The following VTI1A variants were observed in gnomAD, a reference collection of about 807,000 sequenced individuals.
VTI1A encodes vesicle transport through interaction with t-SNAREs homolog 1A.
Under a neutral mutation model 34.9 loss-of-function variants are expected in VTI1A, and 22 were observed. That is an observed-to-expected ratio of 0.63 (90% CI 0.45 to 0.90). The LOEUF (loss-of-function observed/expected upper bound fraction) is 0.90. VTI1A is among the 40% of genes least tolerant of loss of function. VTI1A has a pLI of 0.00. For synonymous variants in VTI1A, 87 were observed against 97.3 expected, an observed-to-expected ratio of 0.89 and a Z score of 0.62; for missense variants, 268 against 275.6, an observed-to-expected ratio of 0.97 and a Z score of 0.20.
chr10:112,502,783 T>G (rs1357922783), intron 3 of VTI1A, among the ~76,000 whole-genome samples: 3 of 152,228 alleles, frequency 2.0e-5, no homozygotes, highest in Non-Finnish European at 4.4e-5. Flanking sequence ...AAGTGTAAAC[T>G]CTAACCCTAT....
chr10:112,576,365 T>A (rs1461158704), intron 5 of VTI1A, among the ~76,000 whole-genome samples: 2 of 152,364 alleles, frequency 1.3e-5, no homozygotes, highest in East Asian at 3.9e-4. Context: ...TCAAAATATT[T>A]GCTGTTTTAG....
chr10:112,470,455 T>G (rs1184527069), intron 3 of VTI1A, among the ~76,000 whole-genome samples: 5 of 152,098 alleles, frequency 3.3e-5, no homozygotes, highest in Non-Finnish European at 4.4e-5. Context: ...ATTTGGAGTG[T>G]GGGAACAGGT....
chr10:112,780,489 G>A (rs1328236556), intron 7 of VTI1A, among the ~76,000 whole-genome samples: 1 of 151,914 alleles, frequency 6.6e-6, no homozygotes, highest in East Asian at 1.9e-4. Context: ...GTAAAAATAA[G>A]CCCATTTTTC....
In VTI1A at chr10:112,726,446, C is replaced by A. The variant is rs149456620; in HGVS notation, c.560+57448C>A. Reference sequence around the variant, plus strand: ...ATTTAGTCTTGTTCTTAACCCAGAACAACCATGCTTTGAAACACCATGGAA... The same window carrying A: ...ATTTAGTCTTGTTCTTAACCCAGAAAAACCATGCTTTGAAACACCATGGAA... On this transcript the variant is annotated intron_variant, in intron 7 of 7. Transcript: ENST00000393077. 1.8e-3 allele frequency among the ~76,000 whole-genome samples: 273 copies of A among 152,328 alleles called. 3 individuals are homozygous for A. The highest frequency in any genetic ancestry group is 0.017 in the Admixed American group (258 of 15,294).
At chr10:112,842,051 C>CTTTTTTTTTTT in the VTI1A span, among the ~76,000 whole-genome samples, 8 of 66,648 alleles carry the variant, frequency 1.2e-4, no homozygotes, top group Non-Finnish European at 2.3e-4. Context: ...TTTTTTTTTC[C>CTTTTTTTTTTT]TTTTTTTTTT....
chr10:112,768,397 A>C (rs1419817889), intron 7 of VTI1A, among the ~76,000 whole-genome samples: 1 of 152,188 alleles, frequency 6.6e-6, no homozygotes, highest in Non-Finnish European at 1.5e-5. Context: ...TTAGCTTTGC[A>C]AGTTGGCCTT....
intron 5 of VTI1A, among the ~76,000 whole-genome samples, chr10:112,663,829 C>G (rs1847549563): frequency 6.6e-6 from 1 of 152,166 alleles, no homozygotes; most frequent in Admixed American, 6.5e-5. Flanking sequence ...CAAGTCATGT[C>G]CAAAATTCAG....
chr10:112,607,986 G>T (rs1845151044), intron 5 of VTI1A, among the ~76,000 whole-genome samples: 1 of 152,118 alleles, frequency 6.6e-6, no homozygotes, highest in South Asian at 2.1e-4. Flanking sequence ...CCTTGGAATT[G>T]ACACCTCATC....
intron 7 of VTI1A, among the ~76,000 whole-genome samples, chr10:112,774,625 G>A (rs1164831445): frequency 6.6e-6 from 1 of 151,160 alleles, no homozygotes; most frequent in Admixed American, 6.6e-5. Flanking sequence ...TTTTTTTAAT[G>A]CCTCTATTCA....
At chr10:112,687,799 A>G (rs771111179) in intron 7 of VTI1A, among the ~76,000 whole-genome samples, 93 of 152,248 alleles carry the variant, frequency 6.1e-4, no homozygotes, top group South Asian at 1.5e-3. Context: ...TTTCATCAGC[A>G]TGACTAAAGC....
chr10:112,811,712 A>AGAG (rs1853318532), intron 7 of VTI1A, among the ~76,000 whole-genome samples: 1 of 84,064 alleles, frequency 1.2e-5, no homozygotes, highest in Non-Finnish European at 2.3e-5. Flanking sequence ...AAAAAAAAAA[A>AGAG]GAGTGCAGTC....
chr10:112,714,827 C>T (rs961177600), intron 7 of VTI1A, among the ~76,000 whole-genome samples: 18 of 152,202 alleles, frequency 1.2e-4, no homozygotes, highest in African/African-American at 3.4e-4. Context: ...TAGCAGATAA[C>T]ATTCAAGTAA....
chr10:112,785,061 T>C (rs1350115592), intron 7 of VTI1A, among the ~76,000 whole-genome samples: 1 of 152,248 alleles, frequency 6.6e-6, no homozygotes, highest in Non-Finnish European at 1.5e-5. Flanking sequence ...GTCTTTTCAT[T>C]GTTCTCTACT....
At chr10:112,574,031 G>A (rs912931430) in intron 5 of VTI1A, among the ~76,000 whole-genome samples, 1 of 152,102 alleles carries the variant, frequency 6.6e-6, no homozygotes, top group Non-Finnish European at 1.5e-5. Flanking sequence ...CTACATGTTT[G>A]TAGTGAATCA....
intron 7 of VTI1A, among the ~76,000 whole-genome samples, chr10:112,689,768 A>G (rs146227231): frequency 1.9e-3 from 291 of 151,568 alleles, no homozygotes; most frequent in African/African-American, 6.9e-3. Flanking sequence ...TTTAATTATT[A>G]TTTACATACA....
At chr10:112,517,402 T>A (rs188787683) in intron 3 of VTI1A, among the ~76,000 whole-genome samples, 3 of 152,084 alleles carry the variant, frequency 2.0e-5, no homozygotes, top group Non-Finnish European at 4.4e-5. Context: ...AATAGATGAT[T>A]GAGTAATGAT....
intron 5 of VTI1A, among the ~76,000 whole-genome samples, chr10:112,665,883 T>C (rs1847624807): frequency 6.6e-6 from 1 of 152,184 alleles, no homozygotes; most frequent in Non-Finnish European, 1.5e-5. Context: ...ATAACGTATT[T>C]CCTCTTCATT....
At chr10:112,712,065 T>C (rs1387466998) in intron 7 of VTI1A, among the ~76,000 whole-genome samples, 1 of 152,186 alleles carries the variant, frequency 6.6e-6, no homozygotes, top group Non-Finnish European at 1.5e-5. Context: ...AGTATTTGAA[T>C]GAGTGACCCA....
At chr10:112,650,684 A>G (rs1304972407) in intron 5 of VTI1A, among the ~76,000 whole-genome samples, 1 of 152,236 alleles carries the variant, frequency 6.6e-6, no homozygotes, top group Non-Finnish European at 1.5e-5. Context: ...GATGTTCGAC[A>G]GCTACCATGT....
Sources: allele counts gnomAD v4.1 joint callset (sites outside exome capture counted in the v4.1 genomes callset), GRCh38; gene constraint gnomAD v4.1.1; transcripts MANE v1.5; gene names NCBI Gene and HGNC (gene_info 2026-07-23, HGNC 2026-07-21).